The following PRELID3A variants were observed in gnomAD, a reference collection of about 807,000 sequenced individuals.
The protein encoded by PRELID3A is PRELI domain containing protein 3A.
Under a neutral mutation model 23.0 loss-of-function variants are expected in PRELID3A, and 27 were observed. That is an observed-to-expected ratio of 1.17 (90% CI 0.87 to 1.62). The LOEUF is 1.62. Ranked by LOEUF, PRELID3A falls within the 40% of genes most tolerant of loss-of-function variation. PRELID3A has a pLI of 0.00. For synonymous variants in PRELID3A, 87 were observed against 86.4 expected, an observed-to-expected ratio of 1.01 and a Z score of -0.04; for missense variants, 231 against 231.4, an observed-to-expected ratio of 1.00 and a Z score of 0.01.
chr18:12,425,692 C>T (rs1386040851), intron 3 of PRELID3A, among the ~76,000 whole-genome samples: 2 of 151,380 alleles, frequency 1.3e-5, no homozygotes, highest in African/African-American at 2.4e-5. Context: ...GTAATCCCAG[C>T]ACTTTGGGAG....
intron 1 of PRELID3A, among the ~76,000 whole-genome samples, chr18:12,412,227 A>G (rs1384621970): frequency 1.6e-4 from 21 of 131,490 alleles, no homozygotes; most frequent in Non-Finnish European, 2.7e-4. Context: ...TCACTCTGTT[A>G]CCCAGGCTGG....
chr18:12,409,572 T>C (rs1909846411), intron 1 of PRELID3A, among the ~76,000 whole-genome samples: 1 of 152,208 alleles, frequency 6.6e-6, no homozygotes, highest in Non-Finnish European at 1.5e-5. Context: ...TAATTTTTTG[T>C]ATGGCTTGCA....
chr18:12,410,423 C>G (rs563322293), intron 1 of PRELID3A, among the ~76,000 whole-genome samples: 1 of 152,080 alleles, frequency 6.6e-6, no homozygotes, highest in African/African-American at 2.4e-5. Flanking sequence ...TGTGGCTGGC[C>G]GAGGATGCTG....
intron 3 of PRELID3A, chr18:12,422,197 C>CTTTTTTTTTTTTTTT (rs562964007): frequency 7.6e-6 from 1 of 131,114 alleles, no homozygotes; most frequent in Non-Finnish European, 1.6e-5. Context: ...TTTCAACGTG[C>CTTTTTTTTTTTTTTT]TTTTTTTTTT....
chr18:12,426,460 A>C (rs191345367), intron 3 of PRELID3A, among the ~76,000 whole-genome samples: 165 of 149,454 alleles, frequency 1.1e-3, no homozygotes, highest in Non-Finnish European at 1.9e-3. Flanking sequence ...AGGCTGAGGC[A>C]GGAGAATGGT....
At chr18:12,428,759 C>T (rs2030458675) in intron 5 of PRELID3A, among the ~76,000 whole-genome samples, 2 of 152,330 alleles carry the variant, frequency 1.3e-5, no homozygotes, top group African/African-American at 2.4e-5. Context: ...GTTTCCAATG[C>T]TTGGCTTAGG....
At chr18:12,421,655 C>A in intron 3 of PRELID3A, 26 bp downstream of exon 3, 1 of 1,502,460 alleles carries the variant, frequency 6.7e-7, no homozygotes, top group Non-Finnish European at 9.3e-7. Flanking sequence ...AGATGAGAAA[C>A]GGGCTCAGTG....
intron 3 of PRELID3A, among the ~76,000 whole-genome samples, chr18:12,423,851 G>T (rs1190044430): frequency 6.6e-6 from 1 of 152,202 alleles, no homozygotes; most frequent in Non-Finnish European, 1.5e-5. Context: ...TGGGTCCTGC[G>T]GCTCCCCTGC....
chr18:12,423,247 G>A (rs1256876408), intron 3 of PRELID3A, among the ~76,000 whole-genome samples: 1 of 152,200 alleles, frequency 6.6e-6, no homozygotes, highest in Non-Finnish European at 1.5e-5. Context: ...CCACAGAAGA[G>A]GCAGAGGAGC....
At chr18:12,415,627 C>G (rs1489521624) in intron 1 of PRELID3A, among the ~76,000 whole-genome samples, 1 of 152,144 alleles carries the variant, frequency 6.6e-6, no homozygotes, top group African/African-American at 2.4e-5. Context: ...GACTAGAATA[C>G]TGAGAGCCGG....
At chr18:12,409,848 C>T (rs907416113) in intron 1 of PRELID3A, among the ~76,000 whole-genome samples, 4 of 151,902 alleles carry the variant, frequency 2.6e-5, no homozygotes, top group African/African-American at 9.7e-5. Flanking sequence ...TAAGCTTTAC[C>T]GAAGGATACT....
chr18:12,427,132 T>C (rs369076691), intron 4 of PRELID3A, 21 bp downstream of exon 4: 10 of 1,606,748 alleles, frequency 6.2e-6, no homozygotes, highest in Admixed American at 5.0e-5. Flanking sequence ...TCCTGTGGGA[T>C]TGACACATTG....
chr18:12,428,655 G>A (rs1268615035), intron 5 of PRELID3A, among the ~76,000 whole-genome samples: 2 of 152,208 alleles, frequency 1.3e-5, no homozygotes, highest in Non-Finnish European at 2.9e-5. Context: ...GATTTGAGCA[G>A]CTTAGCTCAG....
chr18:12,416,643 CTTTCTT>C (rs2029961166), intron 1 of PRELID3A, among the ~76,000 whole-genome samples: 2 of 140,846 alleles, frequency 1.4e-5, no homozygotes, highest in African/African-American at 5.6e-5. Context: ...TCTTTTCTTT[CTTTCTT>C]TTTTTTTTTT....
rs180836561 is a variant in PRELID3A at position 12,422,793 on chromosome 18, A to T, written c.291+1164A>T. ...TGGGCTAGCAAAATTATTTATTTCA[A>T]AAAATAATCCTTATTTTCAGCAAAT... On this transcript the variant is annotated intron_variant, in intron 3 of 6. Transcript: ENST00000440960. Among the ~76,000 whole-genome samples the T allele has an allele frequency of 1.8e-3, 278 of 152,356 alleles. 2 individuals carry two copies. Among genetic ancestry groups the T allele is most frequent in the South Asian group, 7.9e-3 (38 of 4,828 alleles).
At chr18:12,418,279 TACATA>T (rs2030028152) in intron 1 of PRELID3A, among the ~76,000 whole-genome samples, 1 of 152,208 alleles carries the variant, frequency 6.6e-6, no homozygotes, top group South Asian at 2.1e-4. Flanking sequence ...GAAAGCAATC[TACATA>T]ACATAACCCA....
intron 3 of PRELID3A, 122 bp downstream of exon 3, chr18:12,421,751 G>T: frequency 3.1e-6 from 2 of 636,872 alleles, no homozygotes; most frequent in East Asian, 5.5e-5. Context: ...TTAACAGAAA[G>T]GCTGAATTCA....
intron 1 of PRELID3A, among the ~76,000 whole-genome samples, chr18:12,411,626 G>A (rs1222697159): frequency 6.6e-6 from 1 of 152,242 alleles, no homozygotes; most frequent in Non-Finnish European, 1.5e-5. Context: ...ACAGCTGCCA[G>A]GAATGTCTGG....
At position 12,408,341 on chromosome 18, in the gene PRELID3A, C is replaced by CG. The variant is rs1040699346; in HGVS notation, c.32+341dup. 2.6e-4 allele frequency among the ~76,000 whole-genome samples: 39 copies of CG among 150,500 alleles called. No homozygotes were observed. The South Asian group carries it at 2.8e-3, about 11-fold the overall frequency. ...CGGCCGGGGCGGGGGCGGCCGGAGCCGGGGGGGCGGCCGGGGGCCTGGCGC... is the reference window on the plus strand; with the variant it reads ...CGGCCGGGGCGGGGGCGGCCGGAGCCGGGGGGGGCGGCCGGGGGCCTGGCGC... On this transcript the variant is annotated intron_variant, in intron 1 of 6. Coordinates refer to ENST00000440960, the MANE Select transcript of PRELID3A (RefSeq NM_001142405.2).
Sources: allele counts gnomAD v4.1 joint callset (sites outside exome capture counted in the v4.1 genomes callset), GRCh38; gene constraint gnomAD v4.1.1; transcripts MANE v1.5; gene names NCBI Gene and HGNC (gene_info 2026-07-23, HGNC 2026-07-21).